Variants in RHD observed in about 807,000 individuals in gnomAD.
RHD encodes Rh blood group D antigen.
In RHD, 16 loss-of-function variants were observed where a neutral mutation model predicts 45.5. The ratio of observed to expected loss-of-function variants is 0.35; its 90% CI spans 0.24 to 0.53. The LOEUF (loss-of-function observed/expected upper bound fraction) is 0.53, where lower values mean the gene tolerates loss of function less well. Among genes scored for constraint, RHD ranks in the 20% least tolerant of loss-of-function variants. The probability of loss-of-function intolerance (pLI) is 0.92; values close to 1 mark genes in which losing one functional copy is unlikely to be tolerated. For synonymous variants in RHD, 131 were observed against 217.5 expected (o/e 0.60, Z 3.50); for missense variants, 306 against 532.0 (o/e 0.58, Z 4.18).
rs1641551733 is a variant in RHD at position 25,282,269 on chromosome 1, G to A, written c.149-2304G>A. On this transcript the variant is annotated intron_variant, in intron 1 of 9. Transcript: ENST00000328664. ...ATTTATTTTGAGACAGAGTCTCACT[G>A]TGTCGCCCAGGCTGGAGTGCAGTGG... is the stretch of plus-strand genomic sequence containing the variant. Among the ~76,000 whole-genome samples the A allele has an allele frequency of 1.5e-5, 2 of 131,356 alleles. 1 individual carries two copies. 86.2% of individuals were successfully genotyped at this position (131,356 alleles called of 152,430 possible).
chr1:25,280,376 G>T (rs1298139053), intron 1 of RHD, among the ~76,000 whole-genome samples: 1 of 124,782 alleles, frequency 8.0e-6, no homozygotes, highest in Non-Finnish European at 1.9e-5. Context: ...TGCGATCTCG[G>T]CTCACTGCAA....
In RHD at chr1:25,311,110, G is replaced by A. The variant is rs530066540; in HGVS notation, c.1073+4381G>A. On this transcript the variant is annotated intron_variant, in intron 7 of 9. Coordinates refer to ENST00000328664, the MANE Select transcript of RHD (RefSeq NM_016124.6). ...GGTTACTGAAGTCGTTGAGATCAGA[G>A]TGCTGATAGAAATATGGCTGGTAAA... Among the ~76,000 whole-genome samples the A allele has an allele frequency of 7.3e-4, 97 of 132,918 alleles. 16 individuals are homozygous for A. Among genetic ancestry groups the A allele is most frequent in the African/African-American group, 2.1e-3 (82 of 39,088 alleles). The allele number at this position is 132,918 out of a possible 152,430, so 87.2% of individuals were successfully genotyped here.
At chr1:25,312,941 A>C (rs1174196070) in intron 7 of RHD, among the ~76,000 whole-genome samples, 2 of 109,426 alleles carry the variant, frequency 1.8e-5, no homozygotes, top group African/African-American at 5.7e-5. Flanking sequence ...AAAAAAAAAA[A>C]AAAAAAAAAA....
In RHD at chr1:25,329,237, G is replaced by GGTT; in HGVS notation, c.*313_*314insGTT. The GGTT allele has an allele frequency of 8.6e-6, 2 of 232,392 alleles. No homozygotes were observed. The highest frequency in any genetic ancestry group is 6.1e-5 in the South Asian group (2 of 32,688). 14.4% of individuals were successfully genotyped at this position (232,392 alleles called of 1,614,324 possible). On this transcript the variant is annotated 3_prime_UTR_variant, in exon 10 of 10. Coordinates refer to ENST00000328664, the MANE Select transcript of RHD (RefSeq NM_016124.6). ...TAAGGTTAATTTATTATTATTCCTT[G>GGTT]TTTTTTTTTTTTTTTTTTTTTTTTT...
chr1:25,318,965 G>A (rs1350841763), intron 8 of RHD, among the ~76,000 whole-genome samples: 2 of 133,136 alleles, frequency 1.5e-5, no homozygotes, highest in African/African-American at 5.1e-5. Context: ...AGAAGCAGAG[G>A]CGGAGTAGCG....
chr1:25,291,635 G>A lies in RHD; in HGVS notation c.486+844G>A, dbSNP rs1283670392. 2.3e-5 allele frequency among the ~76,000 whole-genome samples: 3 copies of A among 132,312 alleles called. 1 individual carries two copies. Among genetic ancestry groups the A allele is most frequent in the Non-Finnish European group, 5.4e-5 (3 of 55,944 alleles). The allele number at this position is 132,312 out of a possible 152,430, so 86.8% of individuals were successfully genotyped here. On this transcript the variant is annotated intron_variant, in intron 3 of 9. Coordinates refer to ENST00000328664, the MANE Select transcript of RHD (RefSeq NM_016124.6). ...TTGTGCTATTCATGATATAATTATG[G>A]TTATATAAAAGTAATTAATTCTCAG...
At position 25,276,558 on chromosome 1, in the gene RHD, T is replaced by G. The variant is rs113483702; in HGVS notation, c.148+3863T>G. ...AAAAAAAAAAAAAAAAAAAAAAACTTTAAAATTTAACCCAGTGTGGTGGCA... is the reference window on the plus strand; with the variant it reads ...AAAAAAAAAAAAAAAAAAAAAAACTGTAAAATTTAACCCAGTGTGGTGGCA... On this transcript the variant is annotated intron_variant, in intron 1 of 9. Coordinates refer to ENST00000328664, the MANE Select transcript of RHD (RefSeq NM_016124.6). 6.8e-5 allele frequency among the ~76,000 whole-genome samples: 6 copies of G among 87,986 alleles called. No homozygotes were observed. The South Asian group carries it at 9.0e-4, about 13-fold the overall frequency. 57.7% of individuals were successfully genotyped at this position (87,986 alleles called of 152,430 possible).
At chr1:25,298,071 TC>T (rs1643095320) in intron 3 of RHD, among the ~76,000 whole-genome samples, 1 of 121,746 alleles carries the variant, frequency 8.2e-6, no homozygotes, top group Admixed American at 8.2e-5. Flanking sequence ...CATTTCTATG[TC>T]CCAGATCCTG....
Position 25,278,078 on chromosome 1 carries a change from G to A in RHD, c.148+5383G>A, listed in dbSNP as rs1571579395. ...TTGTATTGAGCATTTTCTGGGGTGT[G>A]TGTTCTTTGCTGTAATGACTACTGG... On this transcript the variant is annotated intron_variant, in intron 1 of 9. Transcript: ENST00000328664. Among the ~76,000 whole-genome samples the A allele has an allele frequency of 1.5e-5, 2 of 130,200 alleles. 1 individual carries two copies. Among genetic ancestry groups the A allele is most frequent in the Non-Finnish European group, 3.6e-5 (2 of 54,994 alleles). The allele number at this position is 130,200 out of a possible 152,430, so 85.4% of individuals were successfully genotyped here. A position where few individuals can be genotyped will look rare whatever the true frequency, so the allele number is the denominator to read the frequency against.
chr1:25,319,003 G>A (rs181241244), intron 8 of RHD, among the ~76,000 whole-genome samples: 10 of 132,878 alleles, frequency 7.5e-5, no homozygotes, highest in Admixed American at 5.1e-4. Flanking sequence ...CGTTCAGTTC[G>A]TGGCAGCTGG....
intron 2 of RHD, among the ~76,000 whole-genome samples, chr1:25,288,082 T>A (rs561861205): frequency 0.021 from 2,797 of 132,490 alleles, 438 homozygotes; most frequent in African/African-American, 0.066. Context: ...AAGTGGCATG[T>A]TCATGGCTCA....
At position 25,303,505 on chromosome 1, in the gene RHD, G is replaced by A. The variant is rs1268011603; in HGVS notation, c.939+46G>A. 5 of 1,371,124 alleles carry A rather than the reference G, an allele frequency of 3.6e-6. 1 individual carries two copies. The highest frequency in any genetic ancestry group is 1.8e-5 in the Admixed American group (1 of 56,158). 84.9% of individuals were successfully genotyped at this position (1,371,124 alleles called of 1,614,324 possible). ...CCTCCTCTGCTTTGGCTGAAGGCCA[G>A]CAGGACGCTGGGACCTGATGGGCCA... is the stretch of plus-strand genomic sequence containing the variant. On this transcript the variant is annotated intron_variant, in intron 6 of 9. Coordinates refer to ENST00000328664, the MANE Select transcript of RHD (RefSeq NM_016124.6).
chr1:25,301,028 C>T lies in RHD; in HGVS notation c.569C>T (p.Pro190Leu), dbSNP rs1643347472. The T allele has an allele frequency of 1.5e-6, 2 of 1,377,628 alleles. No individual in the cohort carries two copies. Among genetic ancestry groups the T allele is most frequent in the African/African-American group, 2.9e-5 (2 of 69,486 alleles). The allele number at this position is 1,377,628 out of a possible 1,614,324, so 85.3% of individuals were successfully genotyped here. ...TCTGTGGCCTGGTGCCTGCCAAAGC[C>T]TCTACCCGAGGGAACGGAGGATAAA... ...GLSVAWCLPK[P>L]LPEGTEDKDQ... The change falls in exon 4 of 10, where the codon CCT (proline) becomes CTT (leucine). Residue 190 changes from proline to leucine, a missense_variant. By Grantham distance (98) the Pro-to-Leu change is moderately conservative. Coordinates refer to ENST00000328664, the MANE Select transcript of RHD (RefSeq NM_016124.6).
At chr1:25,323,535 T>C (rs999540991) in intron 9 of RHD, among the ~76,000 whole-genome samples, 1 of 127,508 alleles carries the variant, frequency 7.8e-6, no homozygotes, top group African/African-American at 2.7e-5. Flanking sequence ...CATGGCTCAC[T>C]GTAGCCTCAA....
rs760343732 is a variant in RHD, at chr1:25,314,482, C to T, written c.1074-2518C>T. Among the ~76,000 whole-genome samples, 19 of 131,568 alleles carry T rather than the reference C, an allele frequency of 1.4e-4. 3 individuals carry two copies. Among genetic ancestry groups the T allele is most frequent in the Non-Finnish European group, 2.5e-4 (14 of 55,560 alleles). 86.3% of individuals were successfully genotyped at this position (131,568 alleles called of 152,430 possible). ...TCCTGGATATGAATCCCACTTTGTG[C>T]GTTACCTTTTTCCTTCTTTCTTTCT... On this transcript the variant is annotated intron_variant, in intron 7 of 9. Coordinates refer to ENST00000328664, the MANE Select transcript of RHD (RefSeq NM_016124.6).
At chr1:25,316,536 TG>T (rs1238410798) in intron 7 of RHD, among the ~76,000 whole-genome samples, 1 of 101,726 alleles carries the variant, frequency 9.8e-6, no homozygotes, top group African/African-American at 3.2e-5. Context: ...CGCTTGAACC[TG>T]GGGGACAGAG....
At chr1:25,297,612 C>T (rs1643059735) in intron 3 of RHD, among the ~76,000 whole-genome samples, 1 of 131,594 alleles carries the variant, frequency 7.6e-6, no homozygotes, top group African/African-American at 2.6e-5. Context: ...GAAAAGCTTT[C>T]GCTTCTCTGT....
intron 3 of RHD, among the ~76,000 whole-genome samples, chr1:25,298,926 A>T (rs1643151934): frequency 7.7e-6 from 1 of 129,376 alleles, no homozygotes; most frequent in African/African-American, 2.7e-5. Context: ...GCTTCATCTT[A>T]TCAAGAGGGT....
At position 25,329,147 on chromosome 1, in the gene RHD, T is replaced by G. The variant is rs1292458090; in HGVS notation, c.*223T>G. The G allele has an allele frequency of 9.3e-7, 1 of 1,081,022 alleles. No individual in the cohort carries two copies. The highest frequency in any genetic ancestry group is 1.5e-5 in the African/African-American group (1 of 65,498). 67.0% of individuals were successfully genotyped at this position (1,081,022 alleles called of 1,614,324 possible). On this transcript the variant is annotated 3_prime_UTR_variant, in exon 10 of 10. Transcript: ENST00000328664. ...AGAATACAACAATAAAATACAGCCA[T>G]GTACCACATAACAACATCTTGGTAA...
Sources: gnomAD v4.1 joint callset for allele counts (sites outside exome capture counted in the v4.1 genomes callset) on GRCh38, gnomAD v4.1.1 for gene constraint, MANE v1.5 for transcripts, NCBI Gene and HGNC (gene_info 2026-07-23, HGNC 2026-07-21) for gene names.